Variants in CDKL2 observed in about 807,000 individuals in gnomAD.
CDKL2 encodes cyclin-dependent kinase-like 2.
Under a neutral mutation model 63.9 loss-of-function variants are expected in CDKL2, and 64 were observed. That is an observed-to-expected ratio of 1.00 (90% confidence interval 0.82 to 1.23). The LOEUF (loss-of-function observed/expected upper bound fraction) is 1.23, where lower values mean the gene tolerates loss of function less well. Ranked by LOEUF, CDKL2 falls within the 50% of genes most tolerant of loss-of-function variation. The pLI is 0.00. For missense variants in CDKL2, 656 were observed against 668.0 expected (o/e 0.98, Z 0.20); for synonymous variants, 211 against 229.2 (o/e 0.92, Z 0.72).
chr4:75,605,872 C>T (rs1256416488), intron 4 of CDKL2, among the ~76,000 whole-genome samples: 1 of 151,466 alleles, frequency 6.6e-6, no homozygotes, highest in Non-Finnish European at 1.5e-5. Context: ...ATAAGGAATA[C>T]TCAACCTATA....
Position 75,586,510 on chromosome 4 carries a change from G to A in CDKL2, c.1648-4612C>T, listed in dbSNP as rs569712959. On this transcript the variant is annotated intron_variant, in intron 12 of 13. Coordinates refer to ENST00000307465, the MANE Select transcript of CDKL2 (RefSeq NM_001330724.2). ...CTCCCAAAGTGCTGGGATTACAGGCGTGAGCCACTGCGCCCAGCCTGGACT... is the reference window on the plus strand; with the variant it reads ...CTCCCAAAGTGCTGGGATTACAGGCATGAGCCACTGCGCCCAGCCTGGACT... Among the ~76,000 whole-genome samples, 62 of 152,204 alleles carry A rather than the reference G, an allele frequency of 4.1e-4. 1 individual carries two copies. The South Asian group carries it at 9.1e-3, about 22-fold the overall frequency.
At chr4:75,629,858 A>C (rs1242676712) in intron 1 of CDKL2, among the ~76,000 whole-genome samples, 184 bp downstream of exon 1, 1 of 146,530 alleles carries the variant, frequency 6.8e-6, no homozygotes, top group Non-Finnish European at 1.5e-5. Flanking sequence ...TAATCGCTTG[A>C]ACCCAGGAGG....
At chr4:75,583,731 A>T (rs546892169) in intron 12 of CDKL2, among the ~76,000 whole-genome samples, 1 of 152,304 alleles carries the variant, frequency 6.6e-6, no homozygotes, top group African/African-American at 2.4e-5. Context: ...GGAGAAATGG[A>T]TGGGCAATTC....
At chr4:75,619,501 T>C (rs1020827335) in intron 2 of CDKL2, among the ~76,000 whole-genome samples, 2 of 141,680 alleles carry the variant, frequency 1.4e-5, no homozygotes, top group Non-Finnish European at 3.0e-5. Context: ...AATGTGCAGG[T>C]AGGCCAGAAC....
At chr4:75,619,220 A>G (rs867079382) in intron 2 of CDKL2, among the ~76,000 whole-genome samples, 2 of 152,146 alleles carry the variant, frequency 1.3e-5, no homozygotes, top group Admixed American at 1.3e-4. Context: ...GTAGTTAATT[A>G]CTAAAGGGGG....
chr4:75,627,775 G>A (rs1730501165), intron 1 of CDKL2, among the ~76,000 whole-genome samples: 1 of 122,276 alleles, frequency 8.2e-6, no homozygotes. Context: ...GTGCACTGGC[G>A]CGATCTCGGC....
At chr4:75,585,411 A>G (rs1377456335) in intron 12 of CDKL2, among the ~76,000 whole-genome samples, 1 of 151,998 alleles carries the variant, frequency 6.6e-6, no homozygotes, top group African/African-American at 2.4e-5. Flanking sequence ...ACATCAGAGC[A>G]AGACCCCATC....
intron 10 of CDKL2, among the ~76,000 whole-genome samples, chr4:75,593,115 CAA>C (rs1489337266): frequency 6.6e-6 from 1 of 152,046 alleles, no homozygotes; most frequent in East Asian, 1.9e-4. Flanking sequence ...AGAAAGTCTT[CAA>C]GAGTCCTGCA....
At chr4:75,597,840 T>C (rs1244425104) in intron 8 of CDKL2, among the ~76,000 whole-genome samples, 1 of 152,232 alleles carries the variant, frequency 6.6e-6, no homozygotes, top group Non-Finnish European at 1.5e-5. Flanking sequence ...CTAGATGTTC[T>C]TGGATGAATG....
intron 12 of CDKL2, among the ~76,000 whole-genome samples, chr4:75,591,191 T>C (rs1049085086): frequency 6.6e-6 from 1 of 152,220 alleles, no homozygotes; most frequent in Non-Finnish European, 1.5e-5. Context: ...GGTTGTTTAT[T>C]ACTTTGGAGT....
intron 3 of CDKL2, among the ~76,000 whole-genome samples, chr4:75,609,637 A>C (rs1729596194): frequency 6.8e-6 from 1 of 147,854 alleles, no homozygotes; most frequent in East Asian, 2.0e-4. Flanking sequence ...ATATAGATAT[A>C]TATCATATAT....
At chr4:75,617,855 C>A (rs1729994087) in intron 2 of CDKL2, among the ~76,000 whole-genome samples, 3 of 152,144 alleles carry the variant, frequency 2.0e-5, no homozygotes, top group African/African-American at 7.2e-5. Flanking sequence ...GTAATCCCAG[C>A]ACTTTGGGAT....
At chr4:75,602,065 T>G (rs1729212387) in intron 6 of CDKL2, among the ~76,000 whole-genome samples, 1 of 152,164 alleles carries the variant, frequency 6.6e-6, no homozygotes, top group South Asian at 2.1e-4. Flanking sequence ...AACAAAAAAG[T>G]ATTGGCCATT....
intron 1 of CDKL2, among the ~76,000 whole-genome samples, chr4:75,627,731 C>CT (rs57328528): frequency 0.31 from 26,514 of 86,054 alleles, 3,956 homozygotes; most frequent in East Asian, 0.66. Flanking sequence ...CTTTTTTTTT[C>CT]TTTTTTTTTT....
intron 2 of CDKL2, among the ~76,000 whole-genome samples, chr4:75,621,734 T>C (rs975024213): frequency 6.6e-6 from 1 of 152,192 alleles, no homozygotes; most frequent in African/African-American, 2.4e-5. Flanking sequence ...GTAGAATACA[T>C]ACTTTTTTTT....
intron 5 of CDKL2, among the ~76,000 whole-genome samples, chr4:75,605,003 A>C (rs1357072672): frequency 6.6e-6 from 1 of 152,172 alleles, no homozygotes; most frequent in African/African-American, 2.4e-5. Flanking sequence ...GTCTCAAAAA[A>C]TAAAAAAGAA....
intron 3 of CDKL2, among the ~76,000 whole-genome samples, chr4:75,611,320 A>G (rs1336613756): frequency 6.6e-6 from 1 of 152,094 alleles, no homozygotes; most frequent in African/African-American, 2.4e-5. Context: ...TTAGCCAGGC[A>G]TGGTGGTGCA....
chr4:75,618,149 G>A (rs1578349548), intron 2 of CDKL2, among the ~76,000 whole-genome samples: 2 of 140,744 alleles, frequency 1.4e-5, no homozygotes. Flanking sequence ...CAGGTTCTCT[G>A]TCTTTGTGCT....
rs1728145551 is a variant in CDKL2 at position 75,579,044 on chromosome 4, T to C, written c.*158A>G. On this transcript the variant is annotated 3_prime_UTR_variant, in exon 14 of 14. Transcript: ENST00000307465. ...TTTGAAACATTTGGAAGTCTTTGTC[T>C]TTCCTTCTTCTAGAAGGCCTTCCTC... 6.6e-6 allele frequency: 1 copy of C among 152,634 alleles called. No individual in the cohort carries two copies. 9.5% of individuals were successfully genotyped at this position (152,634 alleles called of 1,614,324 possible). A position where few individuals can be genotyped will look rare whatever the true frequency, so the allele number is the denominator to read the frequency against.
Sources: gnomAD v4.1 joint callset for allele counts (sites outside exome capture counted in the v4.1 genomes callset) on GRCh38, gnomAD v4.1.1 for gene constraint, MANE v1.5 for transcripts, NCBI Gene and HGNC (gene_info 2026-07-23, HGNC 2026-07-21) for gene names.